FXYD3: variants seen among roughly 807,000 people sequenced by gnomAD.
FXYD3 encodes FXYD domain-containing ion transport regulator 3.
A neutral mutation model predicts 19.2 loss-of-function variants in FXYD3; 13 were observed. The ratio of observed to expected loss-of-function variants is 0.68; its 90% confidence interval spans 0.44 to 1.08. FXYD3 has a LOEUF of 1.08. FXYD3 is among the 50% of genes least tolerant of loss of function. FXYD3 has a pLI of 0.00. For missense variants in FXYD3, 101 were observed against 109.4 expected, an observed-to-expected ratio of 0.92 and a Z score of 0.34; for synonymous variants, 48 against 38.9, an observed-to-expected ratio of 1.23 and a Z score of -0.87.
At chr19:35,123,027 A>G (rs937782594) in intron 7 of FXYD3, 73 bp downstream of exon 7, 1 of 1,508,246 alleles carries the variant, frequency 6.6e-7, no homozygotes, top group African/African-American at 1.4e-5. Flanking sequence ...TAACTCTCCC[A>G]GCAGGAGAGG....
chr19:35,123,871 T>C lies in FXYD3; in HGVS notation c.*414T>C, dbSNP rs1022225580. On this transcript the variant is annotated 3_prime_UTR_variant, in exon 9 of 9. Transcript: ENST00000604404. ...TCATATGCAATTTGGGATTTACTAG[T>C]AGCCAAAAGGAATGAAAGAGAGCTC... 4 of 250,564 alleles carry C rather than the reference T, an allele frequency of 1.6e-5. No homozygotes were observed. The highest frequency in any genetic ancestry group is 1.2e-4 in the South Asian group (2 of 16,944). 15.5% of individuals were successfully genotyped at this position (250,564 alleles called of 1,614,324 possible).
chr19:35,116,722 G>C, intron 2 of FXYD3: 2 of 903,584 alleles, frequency 2.2e-6, no homozygotes, highest in Non-Finnish European at 2.5e-6. Context: ...CCAGGGGTGC[G>C]TAGATGGACT....
At chr19:35,117,789 A>G (rs1356205327) in intron 2 of FXYD3, among the ~76,000 whole-genome samples, 1 of 142,468 alleles carries the variant, frequency 7.0e-6, no homozygotes, top group Non-Finnish European at 1.5e-5. Flanking sequence ...TGCTCCAACT[A>G]AAATTGTGAG....
chr19:35,123,895 T>G lies in FXYD3; in HGVS notation c.*438T>G. On this transcript the variant is annotated 3_prime_UTR_variant, in exon 9 of 9. Coordinates refer to ENST00000604404, the MANE Select transcript of FXYD3 (RefSeq NM_005971.4). Reference sequence around the variant, plus strand: ...GTAGCCAAAAGGAATGAAAGAGAGCTCTAACCAGATGGAACACTGGAACAT... The same window carrying G: ...GTAGCCAAAAGGAATGAAAGAGAGCGCTAACCAGATGGAACACTGGAACAT... The G allele has an allele frequency of 8.6e-6, 2 of 231,668 alleles. No homozygotes were observed. Among genetic ancestry groups the G allele is most frequent in the Non-Finnish European group, 8.6e-6 (1 of 116,238 alleles). 14.4% of individuals were successfully genotyped at this position (231,668 alleles called of 1,614,324 possible).
In FXYD3 at chr19:35,123,516, CTG is replaced by C; in HGVS notation, c.*60_*61del. The C allele has an allele frequency of 6.3e-7, 1 of 1,586,224 alleles. No homozygotes were observed. The highest frequency in any genetic ancestry group is 1.7e-4 in the Middle Eastern group (1 of 5,968). Reference sequence around the variant, plus strand: ...CGTTCTCTGTCCCCAGGTCCTGTCTCTGCACAGAAACTTGAACTCCAGGATGG... The same window carrying C: ...CGTTCTCTGTCCCCAGGTCCTGTCTCCACAGAAACTTGAACTCCAGGATGG... On this transcript the variant is annotated 3_prime_UTR_variant, in exon 9 of 9. Coordinates refer to ENST00000604404, the MANE Select transcript of FXYD3 (RefSeq NM_005971.4).
intron 2 of FXYD3, 181 bp from the exon 3 acceptor site, chr19:35,119,172 GAGTTTCACCC>G (rs1555731313): frequency 1.3e-6 from 2 of 1,554,552 alleles, no homozygotes; most frequent in Non-Finnish European, 1.7e-6. Flanking sequence ...CCTCAGGCCC[GAGTTTCACCC>G]AGTCCCCACT....
intron 2 of FXYD3, chr19:35,118,285 G>C (rs9749409): frequency 0.031 from 5,230 of 170,246 alleles, 295 homozygotes; most frequent in African/African-American, 0.12. Flanking sequence ...GAACCCAGGA[G>C]GCAGAGGTTG....
In FXYD3 at chr19:35,116,307, C is replaced by T; in HGVS notation, c.-67C>T. ...AGCTTCGGATAAACGCAGGACTCCG[C>T]CTGGCAGCCCGATTTCTCCCGGAAC... On this transcript the variant is annotated 5_prime_UTR_variant, in exon 2 of 9. Transcript: ENST00000604404. 1 of 985,494 alleles carries T rather than the reference C, an allele frequency of 1.0e-6. No individual in the cohort carries two copies. Among genetic ancestry groups the T allele is most frequent in the Non-Finnish European group, 1.2e-6 (1 of 829,976 alleles). The allele number at this position is 985,494 out of a possible 1,614,324, so 61.0% of individuals were successfully genotyped here.
At chr19:35,123,394 AAAG>A in intron 8 of FXYD3, 44 bp from the exon 9 acceptor site, 1 of 1,613,920 alleles carries the variant, frequency 6.2e-7, no homozygotes, top group South Asian at 1.1e-5. Context: ...ACTGGAAAGA[AAAG>A]AACTCAATCC....
At chr19:35,116,824 G>C in intron 2 of FXYD3, 1 of 985,402 alleles carries the variant, frequency 1.0e-6, no homozygotes, top group Non-Finnish European at 1.2e-6. Flanking sequence ...GGGTGGACTC[G>C]GGGTGTCCAG....
intron 2 of FXYD3, among the ~76,000 whole-genome samples, chr19:35,117,806 A>G (rs2064933181): frequency 7.0e-6 from 1 of 142,340 alleles, no homozygotes; most frequent in African/African-American, 2.6e-5. Flanking sequence ...TGAGTTCAGC[A>G]TGTGGAATTA....
In FXYD3 at chr19:35,123,816, C is replaced by A; in HGVS notation, c.*359C>A. 1 of 352,638 alleles carries A rather than the reference C, an allele frequency of 2.8e-6. No individual in the cohort carries two copies. The highest frequency in any genetic ancestry group is 5.2e-6 in the Non-Finnish European group (1 of 191,408). The allele number at this position is 352,638 out of a possible 1,614,324, so 21.8% of individuals were successfully genotyped here. A position where few individuals can be genotyped will look rare whatever the true frequency, so the allele number is the denominator to read the frequency against. ...TTGTGGCTTGGGACATGGCACAGGC[C>A]CGCCCTCTGCCTCCTCAGCCATGGG... On this transcript the variant is annotated 3_prime_UTR_variant, in exon 9 of 9. Transcript: ENST00000604404.
At chr19:35,118,512 GGAGA>G (rs1451290924) in intron 2 of FXYD3, 12 of 988,924 alleles carry the variant, frequency 1.2e-5, no homozygotes, top group South Asian at 4.7e-5. Flanking sequence ...AGGTCAGGAA[GGAGA>G]GAGAAACGAG....
intron 2 of FXYD3, chr19:35,117,442 G>T: frequency 7.6e-7 from 1 of 1,310,798 alleles, no homozygotes. Flanking sequence ...GGGGTTACAG[G>T]ATTACAACTG....
intron 2 of FXYD3, 28 bp downstream of exon 2, chr19:35,116,387 GC>G: frequency 1.0e-6 from 1 of 985,378 alleles, no homozygotes; most frequent in Non-Finnish European, 1.2e-6. Context: ...CTTCCTCCAA[GC>G]CCTCCTTGTC....
intron 7 of FXYD3, 142 bp downstream of exon 7, chr19:35,123,096 A>G (rs2065083860): frequency 6.9e-7 from 1 of 1,458,810 alleles, no homozygotes; most frequent in Non-Finnish European, 9.0e-7. Flanking sequence ...TATTGTTTCT[A>G]GCTGGTAATC....
At chr19:35,121,133 C>T (rs1269350120) in intron 4 of FXYD3, 23 bp downstream of exon 4, 1 of 1,613,770 alleles carries the variant, frequency 6.2e-7, no homozygotes, top group Non-Finnish European at 8.5e-7. Flanking sequence ...GGACTCTCAC[C>T]CGTCACACCC....
chr19:35,116,500 C>G, intron 2 of FXYD3, 141 bp downstream of exon 2: 1 of 985,530 alleles, frequency 1.0e-6, no homozygotes, highest in Non-Finnish European at 1.2e-6. Flanking sequence ...TTTCTGGAGC[C>G]AGGAGATAAA....
intron 1 of FXYD3, 124 bp from the exon 2 acceptor site, chr19:35,116,139 TG>T: frequency 1.5e-6 from 1 of 664,550 alleles, no homozygotes; most frequent in Non-Finnish European, 1.9e-6. Flanking sequence ...GAGGCTGCTG[TG>T]GTCCTGGTGA....
Sources: gnomAD v4.1 joint callset for allele counts (sites outside exome capture counted in the v4.1 genomes callset) on GRCh38, gnomAD v4.1.1 for gene constraint, MANE v1.5 for transcripts, NCBI Gene and HGNC (gene_info 2026-07-23, HGNC 2026-07-21) for gene names.